The following UNC13C variants were observed in gnomAD, a reference collection of about 807,000 sequenced individuals.
UNC13C encodes the protein protein unc-13 homolog C.
In UNC13C, 174 loss-of-function variants were observed where a neutral mutation model predicts 245.4. The ratio of observed to expected loss-of-function variants is 0.71; its 90% CI spans 0.63 to 0.80. UNC13C has a LOEUF of 0.80. Among genes scored for constraint, UNC13C ranks in the 30% least tolerant of loss-of-function variants. UNC13C has a pLI of 0.00. For missense variants in UNC13C, 2,829 were observed against 2,602.9 expected (o/e 1.09, Z -1.89); for synonymous variants, 992 against 895.1 (o/e 1.11, Z -1.93).
At chr15:54,388,403 CCA>C in intron 17 of UNC13C, among the ~76,000 whole-genome samples, 2 of 152,252 alleles carry the variant, frequency 1.3e-5, no homozygotes, top group Admixed American at 1.3e-4. Flanking sequence ...GAGATCCACC[CCA>C]CACTGCTTGG....
chr15:54,199,446 A>T (rs562057305), intron 4 of UNC13C, among the ~76,000 whole-genome samples: 51 of 152,288 alleles, frequency 3.3e-4, no homozygotes, highest in African/African-American at 1.2e-3. Flanking sequence ...GACGTAAAGC[A>T]TCAGGTAACC....
chr15:53,986,757 T>G (rs952611442), intron 1 of UNC13C, among the ~76,000 whole-genome samples: 4 of 148,894 alleles, frequency 2.7e-5, no homozygotes, highest in Non-Finnish European at 4.5e-5. Context: ...GTAAAACTCT[T>G]AGAGGACAGA....
At chr15:54,354,149 G>A (rs569674055) in intron 17 of UNC13C, among the ~76,000 whole-genome samples, 1 of 151,640 alleles carries the variant, frequency 6.6e-6, no homozygotes, top group Admixed American at 6.6e-5. Context: ...AAGTTACTTC[G>A]TTCTTCTAAG....
At chr15:54,362,367 G>A (rs2039253328) in intron 17 of UNC13C, among the ~76,000 whole-genome samples, 1 of 152,186 alleles carries the variant, frequency 6.6e-6, no homozygotes, top group Admixed American at 6.5e-5. Flanking sequence ...GCTTGGAGGA[G>A]GGAGCAGCAC....
chr15:54,543,850 G>A (rs375067362), intron 26 of UNC13C, among the ~76,000 whole-genome samples: 137 of 152,162 alleles, frequency 9.0e-4, no homozygotes, highest in South Asian at 6.2e-4. Context: ...ATTCACAGCC[G>A]AATTCTACCA....
intron 2 of UNC13C, among the ~76,000 whole-genome samples, chr15:54,132,076 T>TTTTTTTCTTTTTC (rs1555420962): frequency 7.1e-6 from 1 of 141,618 alleles, no homozygotes; most frequent in Non-Finnish European, 1.5e-5. Context: ...TTCTTTTTCT[T>TTTTTTTCTTTTTC]TTTTTTTTTT....
chr15:53,926,874 G>C, the UNC13C span, among the ~76,000 whole-genome samples: 3 of 152,068 alleles, frequency 2.0e-5, no homozygotes, highest in Non-Finnish European at 4.4e-5. Context: ...ATAGTTTTCC[G>C]TGCCTATAGC....
intron 7 of UNC13C, among the ~76,000 whole-genome samples, chr15:54,245,066 G>T (rs922604622): frequency 6.6e-6 from 1 of 152,092 alleles, no homozygotes; most frequent in Non-Finnish European, 1.5e-5. Context: ...TAAGAATGCA[G>T]TCTCCACCCC....
At chr15:54,571,232 A>G (rs993219922) in intron 30 of UNC13C, among the ~76,000 whole-genome samples, 27 of 152,238 alleles carry the variant, frequency 1.8e-4, no homozygotes, top group African/African-American at 6.3e-4. Context: ...ACAGTTCAGC[A>G]TGGCTGTGGA....
intron 18 of UNC13C, among the ~76,000 whole-genome samples, chr15:54,410,633 C>T (rs2040397905): frequency 6.6e-6 from 1 of 151,902 alleles, no homozygotes; most frequent in Admixed American, 6.6e-5. Context: ...TTCCCCATTG[C>T]TTTTGTCAGC....
At chr15:53,875,648 G>A in the UNC13C span, among the ~76,000 whole-genome samples, 1 of 152,242 alleles carries the variant, frequency 6.6e-6, no homozygotes, top group South Asian at 2.1e-4. Flanking sequence ...GATTGAGCAG[G>A]GAAATGGGGC....
the UNC13C span, among the ~76,000 whole-genome samples, chr15:53,942,127 C>T: frequency 1.3e-5 from 2 of 152,260 alleles, no homozygotes; most frequent in East Asian, 1.9e-4. Flanking sequence ...CAGCACTATT[C>T]ACAATAGCAA....
intron 4 of UNC13C, among the ~76,000 whole-genome samples, chr15:54,185,821 C>G (rs1407356992): frequency 2.7e-5 from 4 of 150,826 alleles, no homozygotes; most frequent in Non-Finnish European, 5.9e-5. Flanking sequence ...TCACTGGTAG[C>G]TTGATGGGGA....
chr15:54,280,670 A>T lies in UNC13C; in HGVS notation c.3819-13225A>T, dbSNP rs551214577. Among the ~76,000 whole-genome samples the T allele has an allele frequency of 8.2e-4, 116 of 141,758 alleles. No homozygotes were observed. In the East Asian group the frequency reaches 0.022, roughly 27 times the overall value. The allele number at this position is 141,758 out of a possible 152,430, so 93.0% of individuals were successfully genotyped here. ...AACATATATGTATGTATATACATAC[A>T]TATACATATATACATATATAAACAT... On this transcript the variant is annotated intron_variant, in intron 10 of 32. Coordinates refer to ENST00000260323, the MANE Select transcript of UNC13C (RefSeq NM_001080534.3).
rs565320441 is a variant in UNC13C, at chr15:54,466,545, A to G, written c.4934-28063A>G. Reference sequence around the variant, plus strand: ...AAAGGGCATGTTGGAGATGAACTTCAGGCTGAATTTGCCTGTGGAAGTAAA... The same window carrying G: ...AAAGGGCATGTTGGAGATGAACTTCGGGCTGAATTTGCCTGTGGAAGTAAA... On this transcript the variant is annotated intron_variant, in intron 19 of 32. Coordinates refer to ENST00000260323, the MANE Select transcript of UNC13C (RefSeq NM_001080534.3). 2.0e-5 allele frequency among the ~76,000 whole-genome samples: 3 copies of G among 151,974 alleles called. No individual in the cohort carries two copies. The South Asian group carries it at 6.2e-4, about 31-fold the overall frequency.
chr15:54,619,877 C>T (rs1015165889), intron 30 of UNC13C, among the ~76,000 whole-genome samples: 1 of 152,100 alleles, frequency 6.6e-6, no homozygotes, highest in African/African-American at 2.4e-5. Context: ...AGCATGAGTA[C>T]TAGAGAGTGG....
chr15:54,616,100 TACCTCATGGATTTCTTACTA>T (rs1476407403), intron 30 of UNC13C, among the ~76,000 whole-genome samples: 1 of 152,044 alleles, frequency 6.6e-6, no homozygotes, highest in Non-Finnish European at 1.5e-5. Flanking sequence ...CATGGTGACT[TACCTCATGGATTTCTTACTA>T]ACCTCTCATC....
At chr15:54,087,753 G>A (rs1212667620) in intron 2 of UNC13C, among the ~76,000 whole-genome samples, 3 of 152,150 alleles carry the variant, frequency 2.0e-5, no homozygotes, top group Admixed American at 1.3e-4. Context: ...TTGTAACTAC[G>A]AAGCTGGATT....
intron 17 of UNC13C, among the ~76,000 whole-genome samples, chr15:54,350,517 C>T (rs187974805): frequency 6.6e-6 from 1 of 152,090 alleles, no homozygotes; most frequent in Non-Finnish European, 1.5e-5. Context: ...AGGTTCTAAC[C>T]TCTCCTCCAA....
Sources: allele counts gnomAD v4.1 joint callset (sites outside exome capture counted in the v4.1 genomes callset), GRCh38; gene constraint gnomAD v4.1.1; transcripts MANE v1.5; gene names NCBI Gene and HGNC (gene_info 2026-07-23, HGNC 2026-07-21).